PALM2AKAP2: variants seen among roughly 807,000 people sequenced by gnomAD.
The protein encoded by PALM2AKAP2 is PALM2-AKAP2 fusion protein.
A neutral mutation model predicts 71.5 loss-of-function variants in PALM2AKAP2; 37 were observed. The observed-to-expected ratio is 0.52, with a 90% CI of 0.40 to 0.68. The LOEUF (loss-of-function observed/expected upper bound fraction) is 0.68, where lower values mean the gene tolerates loss of function less well. Among genes scored for constraint, PALM2AKAP2 ranks in the 30% least tolerant of loss-of-function variants. The pLI is 0.00. For synonymous variants in PALM2AKAP2, 468 were observed against 478.8 expected, an observed-to-expected ratio of 0.98 and a Z score of 0.29; for missense variants, 1,224 against 1,191.8, an observed-to-expected ratio of 1.03 and a Z score of -0.40.
intron 1 of PALM2AKAP2, among the ~76,000 whole-genome samples, chr9:109,725,243 T>C (rs1217115456): frequency 6.6e-6 from 1 of 152,206 alleles, no homozygotes; most frequent in East Asian, 1.9e-4. Context: ...ATCAATAATA[T>C]TGATTCTACC....
intron 1 of PALM2AKAP2, among the ~76,000 whole-genome samples, chr9:109,843,193 C>T (rs1047816519): frequency 6.4e-5 from 9 of 140,448 alleles, no homozygotes; most frequent in Non-Finnish European, 1.2e-4. Flanking sequence ...GTAGTCTCAG[C>T]TACTCAGGAG....
At chr9:110,010,225 G>A (rs1832854789) in intron 6 of PALM2AKAP2, among the ~76,000 whole-genome samples, 1 of 151,860 alleles carries the variant, frequency 6.6e-6, no homozygotes, top group Non-Finnish European at 1.5e-5. Flanking sequence ...CTTTCCTCAA[G>A]GTTTGGTCTT....
chr9:109,976,585 A>C (rs949611701), intron 6 of PALM2AKAP2, among the ~76,000 whole-genome samples: 10 of 152,138 alleles, frequency 6.6e-5, no homozygotes, highest in Non-Finnish European at 1.2e-4. Flanking sequence ...TTCAGAAGAG[A>C]AAATATATCT....
At chr9:110,083,508 C>G (rs1834493471) in intron 1 of PALM2AKAP2, among the ~76,000 whole-genome samples, 1 of 152,136 alleles carries the variant, frequency 6.6e-6, no homozygotes, top group Non-Finnish European at 1.5e-5. Flanking sequence ...CTCAGCCTTC[C>G]CCATTGACAG....
At chr9:109,726,452 C>A (rs1173988216) in intron 1 of PALM2AKAP2, among the ~76,000 whole-genome samples, 2 of 152,252 alleles carry the variant, frequency 1.3e-5, no homozygotes, top group African/African-American at 4.8e-5. Flanking sequence ...ACCAGCTCTG[C>A]AGTATGACTG....
intron 6 of PALM2AKAP2, among the ~76,000 whole-genome samples, chr9:109,971,489 G>A (rs895092374): frequency 2.0e-5 from 3 of 151,662 alleles, no homozygotes; most frequent in East Asian, 1.9e-4. Flanking sequence ...GCAATGGACC[G>A]GTCTTGACTC....
chr9:109,774,217 C>T (rs1829316990), intron 1 of PALM2AKAP2, among the ~76,000 whole-genome samples: 1 of 152,188 alleles, frequency 6.6e-6, no homozygotes, highest in African/African-American at 2.4e-5. Flanking sequence ...CCAGACTGGC[C>T]CCTAAGCTCT....
chr9:109,846,874 A>G (rs924154780), intron 1 of PALM2AKAP2, among the ~76,000 whole-genome samples: 1 of 152,116 alleles, frequency 6.6e-6, no homozygotes, highest in African/African-American at 2.4e-5. Flanking sequence ...TGCTTTTTTG[A>G]TGTTTGAAAT....
chr9:109,803,182 C>T lies in PALM2AKAP2; in HGVS notation c.45+22649C>T, dbSNP rs193256492. Among the ~76,000 whole-genome samples, 296 of 152,186 alleles carry T rather than the reference C, an allele frequency of 1.9e-3. 1 individual carries two copies. Among genetic ancestry groups the T allele is most frequent in the South Asian group, 0.015 (71 of 4,820 alleles). Reference sequence around the variant, plus strand: ...TTGCTATTTCAGTAACATTATAATGCGAGAGGAAACACAATAGCATATCTT... The same window carrying T: ...TTGCTATTTCAGTAACATTATAATGTGAGAGGAAACACAATAGCATATCTT... On this transcript the variant is annotated intron_variant, in intron 1 of 9. Transcript: ENST00000302798.
At chr9:110,137,654 T>A in exon 2 of PALM2AKAP2, 5 of 1,614,010 alleles carry the variant, frequency 3.1e-6, no homozygotes, top group Non-Finnish European at 4.2e-6. Flanking sequence ...GGAGCTTGAC[T>A]CTGGTCTGGA....
At chr9:109,985,342 GT>G (rs1434245815) in intron 6 of PALM2AKAP2, among the ~76,000 whole-genome samples, 1 of 152,036 alleles carries the variant, frequency 6.6e-6, no homozygotes, top group Admixed American at 6.6e-5. Context: ...ATGCTTAATT[GT>G]CTTGTAAAAC....
chr9:110,115,200 G>C (rs1835337483), intron 1 of PALM2AKAP2, among the ~76,000 whole-genome samples: 1 of 152,210 alleles, frequency 6.6e-6, no homozygotes, highest in Non-Finnish European at 1.5e-5. Context: ...GCTGGTCCAG[G>C]GTGGGCTTGG....
intron 1 of PALM2AKAP2, among the ~76,000 whole-genome samples, chr9:109,702,954 G>C (rs1211442124): frequency 6.6e-6 from 1 of 152,012 alleles, no homozygotes; most frequent in Non-Finnish European, 1.5e-5. Flanking sequence ...ATGTAGCTGG[G>C]AGTACAGGCA....
intron 2 of PALM2AKAP2, chr9:110,148,809 T>G (rs1587861887): frequency 6.6e-6 from 1 of 152,210 alleles, no homozygotes; most frequent in Non-Finnish European, 1.5e-5. Flanking sequence ...ATTTAAGACC[T>G]CAGACTTCAT....
intron 1 of PALM2AKAP2, among the ~76,000 whole-genome samples, chr9:110,127,355 G>A (rs1241598934): frequency 6.6e-6 from 1 of 152,172 alleles, no homozygotes; most frequent in African/African-American, 2.4e-5. Context: ...CTTGAGGTCT[G>A]GAGTCTGGCC....
chr9:109,980,210 G>T (rs1033389180), intron 6 of PALM2AKAP2, among the ~76,000 whole-genome samples: 1 of 151,984 alleles, frequency 6.6e-6, no homozygotes, highest in Non-Finnish European at 1.5e-5. Flanking sequence ...CAAGTCTTTG[G>T]GCCATGGGTC....
chr9:109,664,111 C>A (rs1054780370), intron 1 of PALM2AKAP2, among the ~76,000 whole-genome samples: 2 of 152,154 alleles, frequency 1.3e-5, no homozygotes, highest in Non-Finnish European at 2.9e-5. Context: ...GTCCTGAATA[C>A]AACACACTGA....
chr9:109,757,991 A>G (rs1828991136), intron 1 of PALM2AKAP2, among the ~76,000 whole-genome samples: 1 of 151,984 alleles, frequency 6.6e-6, no homozygotes, highest in Non-Finnish European at 1.5e-5. Context: ...TCCCAACCCC[A>G]CTGAGAGTTC....
rs143706191 is a variant in PALM2AKAP2, at chr9:110,116,501, CT to C, written c.157-19625del. On this transcript the variant is annotated intron_variant, in intron 1 of 3. Coordinates refer to ENST00000374525, the Ensembl canonical transcript of PALM2AKAP2. ...AGTTAAATGGAACAAAAAAAAATGA[CT>C]ATTGCTTAGAATAATGGATAAGCCG... 1.6e-3 allele frequency among the ~76,000 whole-genome samples: 246 copies of C among 152,266 alleles called. 7 individuals carry two copies. The East Asian group carries it at 0.043, about 26-fold the overall frequency.
Sources: gnomAD v4.1 joint callset for allele counts (sites outside exome capture counted in the v4.1 genomes callset) on GRCh38, gnomAD v4.1.1 for gene constraint, MANE v1.5 for transcripts, NCBI Gene and HGNC (gene_info 2026-07-23, HGNC 2026-07-21) for gene names.